FRMD5: variants seen among roughly 807,000 people sequenced by gnomAD.
FRMD5 encodes the protein FERM domain-containing protein 5.
In FRMD5, 20 loss-of-function variants were observed where a neutral mutation model predicts 69.0. That is an observed-to-expected ratio of 0.29 (90% CI 0.20 to 0.42). The LOEUF is 0.42. FRMD5 is among the 10% of genes least tolerant of loss of function. The pLI is 1.00. For missense variants in FRMD5, 595 were observed against 708.6 expected, an observed-to-expected ratio of 0.84 and a Z score of 1.82; for synonymous variants, 271 against 260.1, an observed-to-expected ratio of 1.04 and a Z score of -0.40.
chr15:43,878,684 C>T (rs922065782), intron 13 of FRMD5, among the ~76,000 whole-genome samples: 24 of 152,190 alleles, frequency 1.6e-4, no homozygotes, highest in African/African-American at 5.5e-4. Context: ...GCATAGGGCG[C>T]CTGCCACCCT....
intron 7 of FRMD5, among the ~76,000 whole-genome samples, chr15:43,897,021 T>G (rs908675044): frequency 6.6e-6 from 1 of 152,028 alleles, no homozygotes; most frequent in Admixed American, 6.5e-5. Flanking sequence ...TGTAAGAGAT[T>G]TGGTGTTACT....
At chr15:44,010,696 T>C (rs1315573685) in intron 1 of FRMD5, among the ~76,000 whole-genome samples, 1 of 152,160 alleles carries the variant, frequency 6.6e-6, no homozygotes, top group Non-Finnish European at 1.5e-5. Context: ...CAAGAACCTC[T>C]TCTCTAAACC....
intron 1 of FRMD5, among the ~76,000 whole-genome samples, chr15:44,019,477 T>A (rs1240248273): frequency 1.3e-5 from 2 of 149,910 alleles, no homozygotes; most frequent in African/African-American, 4.9e-5. Context: ...GCCTCACACC[T>A]GTAACCTCAA....
At chr15:44,172,990 G>A (rs1025452359) in intron 1 of FRMD5, among the ~76,000 whole-genome samples, 1 of 152,204 alleles carries the variant, frequency 6.6e-6, no homozygotes, top group Non-Finnish European at 1.5e-5. Context: ...ATCTAAGACA[G>A]AGGAGTCAAA....
At chr15:44,000,090 C>T (rs554993432) in intron 1 of FRMD5, among the ~76,000 whole-genome samples, 1 of 151,240 alleles carries the variant, frequency 6.6e-6, no homozygotes, top group Non-Finnish European at 1.5e-5. Context: ...TCCTTGGGCT[C>T]AAGCCATGCT....
intron 1 of FRMD5, among the ~76,000 whole-genome samples, chr15:43,986,438 A>C (rs1889396380): frequency 6.6e-6 from 1 of 152,246 alleles, no homozygotes; most frequent in Admixed American, 6.5e-5. Context: ...TATGCACCAG[A>C]GGAACTTAGT....
intron 1 of FRMD5, among the ~76,000 whole-genome samples, chr15:44,154,633 C>CTTTT (rs2077498595): frequency 6.6e-6 from 1 of 152,180 alleles, no homozygotes; most frequent in African/African-American, 2.4e-5. Context: ...GCAGGCAACA[C>CTTTT]TTTATGTGTA....
At chr15:44,082,722 A>C (rs1369988011) in intron 1 of FRMD5, among the ~76,000 whole-genome samples, 1 of 152,010 alleles carries the variant, frequency 6.6e-6, no homozygotes, top group East Asian at 1.9e-4. Flanking sequence ...CATACATTTC[A>C]ATTTGCAAGC....
At chr15:43,875,717 G>C in intron 13 of FRMD5, 1 of 489,802 alleles carries the variant, frequency 2.0e-6, no homozygotes, top group Non-Finnish European at 3.6e-6. Flanking sequence ...GCCTCCCAAA[G>C]TGCTGGGATT....
chr15:44,100,512 C>T (rs958940376), intron 1 of FRMD5, among the ~76,000 whole-genome samples: 2 of 152,166 alleles, frequency 1.3e-5, no homozygotes, highest in East Asian at 1.9e-4. Flanking sequence ...CCTATGAATA[C>T]AGTATACTTC....
chr15:43,973,764 T>C lies in FRMD5; in HGVS notation c.103-49455A>G, dbSNP rs563538041. Among the ~76,000 whole-genome samples the C allele has an allele frequency of 3.9e-5, 6 of 152,002 alleles. No homozygotes were observed. In the East Asian group the frequency reaches 1.2e-3, roughly 29 times the overall value. On this transcript the variant is annotated intron_variant, in intron 1 of 13. Coordinates refer to ENST00000417257, the MANE Select transcript of FRMD5 (RefSeq NM_032892.5). ...CTATTAAATCTTAATCTAAATGCTATATTTTCCTTAATACAACCCAAACCT... is the reference window on the plus strand; with the variant it reads ...CTATTAAATCTTAATCTAAATGCTACATTTTCCTTAATACAACCCAAACCT...
chr15:43,874,066 AGTCCCATG>A lies in FRMD5; in HGVS notation c.1524_1531del (p.Met509ProfsTer15). ...CAGGAGGAGGAGCAAAACAAAGAGG[AGTCCCATG>A]GTCACAAGGAGCAAACGGAGGACAC... On this transcript the variant is annotated frameshift_variant, in exon 14 of 14. Transcript: ENST00000417257. LOFTEE classifies it high-confidence loss of function. 6.2e-7 allele frequency: 1 copy of A among 1,614,250 alleles called. No homozygotes were observed. Among genetic ancestry groups the A allele is most frequent in the Non-Finnish European group, 8.5e-7 (1 of 1,180,050 alleles).
chr15:44,107,162 A>AGG (rs2076731930), intron 1 of FRMD5, among the ~76,000 whole-genome samples: 1 of 152,192 alleles, frequency 6.6e-6, no homozygotes, highest in African/African-American at 2.4e-5. Flanking sequence ...CAAACGAAAT[A>AGG]TTTGAGAAGG....
intron 1 of FRMD5, among the ~76,000 whole-genome samples, chr15:44,063,346 G>T (rs1457693322): frequency 1.3e-5 from 2 of 152,212 alleles, no homozygotes; most frequent in South Asian, 2.1e-4. Context: ...AAATTTATTA[G>T]CATAAATTTA....
At chr15:44,132,918 A>G (rs1238684550) in intron 1 of FRMD5, among the ~76,000 whole-genome samples, 1 of 151,832 alleles carries the variant, frequency 6.6e-6, no homozygotes, top group East Asian at 2.0e-4. Flanking sequence ...GCTTGCCACC[A>G]TGCCTGGCTA....
At chr15:44,089,129 A>G (rs1894324716) in intron 1 of FRMD5, among the ~76,000 whole-genome samples, 1 of 152,232 alleles carries the variant, frequency 6.6e-6, no homozygotes. Context: ...TTATCAGCAC[A>G]GGAGGGGACA....
At chr15:44,124,771 C>T (rs2077003345) in intron 1 of FRMD5, among the ~76,000 whole-genome samples, 1 of 152,104 alleles carries the variant, frequency 6.6e-6, no homozygotes, top group Admixed American at 6.6e-5. Flanking sequence ...AACTAGAAAT[C>T]ATCCAAGTAT....
chr15:44,020,922 G>A (rs1356733824), intron 1 of FRMD5, among the ~76,000 whole-genome samples: 2 of 152,140 alleles, frequency 1.3e-5, no homozygotes, highest in Non-Finnish European at 2.9e-5. Context: ...CCATCATTTA[G>A]ATATAATAGA....
At chr15:44,119,054 G>A (rs963579373) in intron 1 of FRMD5, among the ~76,000 whole-genome samples, 5 of 152,016 alleles carry the variant, frequency 3.3e-5, no homozygotes, top group African/African-American at 4.8e-5. Flanking sequence ...CCTCGACCTC[G>A]TGGGCTCAAG....
Sources: allele counts gnomAD v4.1 joint callset (sites outside exome capture counted in the v4.1 genomes callset), GRCh38; gene constraint gnomAD v4.1.1; transcripts MANE v1.5; gene names NCBI Gene and HGNC (gene_info 2026-07-23, HGNC 2026-07-21).